OSBPL10: variants seen among roughly 807,000 people sequenced by gnomAD.
OSBPL10 encodes oxysterol binding protein like 10.
Under a neutral mutation model 81.7 loss-of-function variants are expected in OSBPL10, and 49 were observed. That is an observed-to-expected ratio of 0.60 (90% CI 0.48 to 0.76). The LOEUF (loss-of-function observed/expected upper bound fraction) is 0.76, where lower values mean the gene tolerates loss of function less well. Ranked by LOEUF, OSBPL10 falls within the 30% of genes least tolerant of loss-of-function variation. OSBPL10 has a pLI of 0.00. For missense variants in OSBPL10, 923 were observed against 987.8 expected (o/e 0.93, Z 0.88); for synonymous variants, 419 against 383.6 (o/e 1.09, Z -1.08).
intron 2 of OSBPL10, among the ~76,000 whole-genome samples, chr3:32,008,874 A>T (rs1213868072): frequency 6.6e-6 from 1 of 152,214 alleles, no homozygotes; most frequent in East Asian, 1.9e-4. Context: ...AGTAAATTTC[A>T]GAGCAATAGT....
chr3:31,990,209 AAGC>A (rs1205242706), intron 2 of OSBPL10: 1 of 1,613,952 alleles, frequency 6.2e-7, no homozygotes. Flanking sequence ...GAGTGTGGCA[AAGC>A]CTTTAGTGGG....
At chr3:31,991,013 C>A in intron 2 of OSBPL10, 1 of 1,526,566 alleles carries the variant, frequency 6.6e-7, no homozygotes. Flanking sequence ...AAAATTCATT[C>A]CTGAGATAAT....
intron 8 of OSBPL10, among the ~76,000 whole-genome samples, chr3:31,676,830 G>A (rs1007938991): frequency 6.6e-6 from 1 of 152,242 alleles, no homozygotes; most frequent in Non-Finnish European, 1.5e-5. Flanking sequence ...GTTGGGAGGG[G>A]TGAGCAGCCC....
chr3:32,075,755 A>G (rs539243908), intron 1 of OSBPL10, among the ~76,000 whole-genome samples: 106 of 152,236 alleles, frequency 7.0e-4, no homozygotes, highest in Admixed American at 1.6e-3. Flanking sequence ...TGCTTTTCTT[A>G]TTAATATAAG....
At chr3:31,818,710 C>T (rs1699910816) in intron 4 of OSBPL10, among the ~76,000 whole-genome samples, 1 of 152,188 alleles carries the variant, frequency 6.6e-6, no homozygotes, top group African/African-American at 2.4e-5. Context: ...GGGCCAATGA[C>T]CTCATTCTAA....
At chr3:32,052,025 C>A (rs1360959787) in intron 1 of OSBPL10, among the ~76,000 whole-genome samples, 1 of 151,952 alleles carries the variant, frequency 6.6e-6, no homozygotes, top group Non-Finnish European at 1.5e-5. Flanking sequence ...GGTAGGTGAT[C>A]ACCTGAGCTC....
chr3:31,816,023 ATT>A, intron 4 of OSBPL10, among the ~76,000 whole-genome samples: 1 of 152,256 alleles, frequency 6.6e-6, no homozygotes, highest in South Asian at 2.1e-4. Context: ...TAAGACATGA[ATT>A]TTCTGTGAGC....
intron 2 of OSBPL10, among the ~76,000 whole-genome samples, chr3:31,994,041 C>T (rs908233413): frequency 6.6e-6 from 1 of 152,114 alleles, no homozygotes; most frequent in Non-Finnish European, 1.5e-5. Flanking sequence ...AATGAGTACT[C>T]AGCAATAAAT....
At chr3:31,827,411 C>T (rs976208697) in intron 4 of OSBPL10, among the ~76,000 whole-genome samples, 18 of 152,124 alleles carry the variant, frequency 1.2e-4, no homozygotes, top group Admixed American at 1.2e-3. Context: ...CTGAGGTGGG[C>T]GGATCACGAG....
At chr3:31,681,926 T>C (rs1700660195) in intron 8 of OSBPL10, among the ~76,000 whole-genome samples, 1 of 152,138 alleles carries the variant, frequency 6.6e-6, no homozygotes, top group Non-Finnish European at 1.5e-5. Flanking sequence ...GCTCCCATAC[T>C]CTTCCTTCAA....
In OSBPL10 at chr3:31,973,086, G is replaced by A. The variant is rs755173992; in HGVS notation, c.281+7813C>T. On this transcript the variant is annotated intron_variant, in intron 1 of 11. Coordinates refer to ENST00000396556, the MANE Select transcript of OSBPL10 (RefSeq NM_017784.5). ...TTCTGTCTTGGCCTGGCCCCAAATC[G>A]CATCAGTGGGAGCCAGGCAGAACTG... is the stretch of plus-strand genomic sequence containing the variant. Among the ~76,000 whole-genome samples the A allele has an allele frequency of 3.3e-5, 5 of 152,080 alleles. No individual in the cohort carries two copies. In the South Asian group the frequency reaches 1.0e-3, roughly 31 times the overall value.
intron 2 of OSBPL10, among the ~76,000 whole-genome samples, chr3:32,039,443 A>T (rs1162134260): frequency 6.6e-6 from 1 of 151,864 alleles, no homozygotes; most frequent in Non-Finnish European, 1.5e-5. Context: ...GATAACAAGG[A>T]GGTCAGGAGT....
intron 4 of OSBPL10, among the ~76,000 whole-genome samples, chr3:31,785,488 C>A (rs1698838319): frequency 6.6e-6 from 1 of 152,144 alleles, no homozygotes; most frequent in Non-Finnish European, 1.5e-5. Flanking sequence ...AGACTGGAAT[C>A]CATCTGTCTT....
intron 4 of OSBPL10, among the ~76,000 whole-genome samples, chr3:31,799,442 G>A (rs1371459975): frequency 7.0e-6 from 1 of 142,014 alleles, no homozygotes. Flanking sequence ...CAGCTTAGAA[G>A]TCAATCAGCT....
intron 4 of OSBPL10, chr3:31,794,835 TG>T: frequency 2.8e-6 from 1 of 361,836 alleles, no homozygotes; most frequent in South Asian, 2.7e-5. Flanking sequence ...TGAACAGGAG[TG>T]GGGCATGTGG....
At chr3:31,973,475 G>A (rs1188635071) in intron 1 of OSBPL10, among the ~76,000 whole-genome samples, 2 of 152,194 alleles carry the variant, frequency 1.3e-5, no homozygotes, top group Admixed American at 6.5e-5. Flanking sequence ...TGGTGCCTGT[G>A]GTGGCCTCAC....
At chr3:31,842,629 G>T (rs1700527197) in intron 3 of OSBPL10, among the ~76,000 whole-genome samples, 1 of 152,208 alleles carries the variant, frequency 6.6e-6, no homozygotes, top group Non-Finnish European at 1.5e-5. Context: ...TCCTTGCATG[G>T]TAGTACATGA....
At chr3:31,966,739 G>A (rs544221909) in intron 1 of OSBPL10, among the ~76,000 whole-genome samples, 2 of 152,074 alleles carry the variant, frequency 1.3e-5, no homozygotes, top group Admixed American at 6.5e-5. Context: ...ACAACCATAA[G>A]AAAACAAACA....
intron 1 of OSBPL10, among the ~76,000 whole-genome samples, chr3:31,926,198 C>A (rs1314850259): frequency 6.6e-6 from 1 of 150,384 alleles, no homozygotes; most frequent in Admixed American, 6.7e-5. Context: ...AATGTTTATT[C>A]ATTTTCTTAT....
Sources: allele counts gnomAD v4.1 joint callset (sites outside exome capture counted in the v4.1 genomes callset), GRCh38; gene constraint gnomAD v4.1.1; transcripts MANE v1.5; gene names NCBI Gene and HGNC (gene_info 2026-07-23, HGNC 2026-07-21).